The following USH2A variants were observed in gnomAD, a reference collection of about 807,000 sequenced individuals.
USH2A encodes usherin, also known as Usher syndrome 2A (autosomal recessive, mild).
Under a neutral mutation model 538.9 loss-of-function variants are expected in USH2A, and 443 were observed. That is an observed-to-expected ratio of 0.82 (90% confidence interval 0.76 to 0.89). The LOEUF is 0.89. Among genes scored for constraint, USH2A ranks in the 40% least tolerant of loss-of-function variants. The pLI, the probability that USH2A is intolerant of heterozygous loss-of-function variation, is 0.00. For synonymous variants in USH2A, 2,413 were observed against 2,273.5 expected (o/e 1.06, Z -1.75); for missense variants, 6,633 against 6,324.8 (o/e 1.05, Z -1.65).
chr1:216,157,428 G>T (rs948156543), intron 21 of USH2A, among the ~76,000 whole-genome samples: 1 of 152,158 alleles, frequency 6.6e-6, no homozygotes, highest in African/African-American at 2.4e-5. Context: ...ATTTCTCAAA[G>T]AACTTAAAAC....
At chr1:216,115,320 C>CT in intron 21 of USH2A, among the ~76,000 whole-genome samples, 1 of 152,038 alleles carries the variant, frequency 6.6e-6, no homozygotes, top group East Asian at 1.9e-4. Flanking sequence ...TTTTAAAAGA[C>CT]TTTTTTGTAG....
At chr1:216,135,877 T>C (rs1290147904) in intron 21 of USH2A, among the ~76,000 whole-genome samples, 1 of 152,104 alleles carries the variant, frequency 6.6e-6, no homozygotes, top group Non-Finnish European at 1.5e-5. Context: ...TTGATTTGCT[T>C]GGATATTGAA....
At chr1:216,149,880 C>T (rs79371377) in intron 21 of USH2A, among the ~76,000 whole-genome samples, 42,076 of 151,990 alleles carry the variant, frequency 0.28, 6,120 homozygotes, top group African/African-American at 0.31. Context: ...CTGGGTTCAC[C>T]ATTCCAGAAT....
intron 49 of USH2A, among the ~76,000 whole-genome samples, chr1:215,807,051 G>A (rs1001296692): frequency 6.6e-6 from 1 of 152,018 alleles, no homozygotes; most frequent in Non-Finnish European, 1.5e-5. Flanking sequence ...ACTATGTTAT[G>A]TTACATGGCA....
chr1:215,704,735 GC>G (rs952600500), intron 61 of USH2A, among the ~76,000 whole-genome samples: 2 of 152,142 alleles, frequency 1.3e-5, no homozygotes, highest in African/African-American at 4.8e-5. Flanking sequence ...TTCTTAGAAT[GC>G]CCTTCTATGC....
chr1:216,107,665 C>G (rs1447664054), intron 21 of USH2A, among the ~76,000 whole-genome samples: 1 of 146,764 alleles, frequency 6.8e-6, no homozygotes, highest in Admixed American at 6.9e-5. Context: ...TTTGAATTCT[C>G]TCTTTTCTTA....
intron 32 of USH2A, among the ~76,000 whole-genome samples, chr1:216,015,119 A>G (rs1421782896): frequency 3.9e-5 from 6 of 152,174 alleles, no homozygotes; most frequent in Admixed American, 3.3e-4. Context: ...CCTTCCCACA[A>G]ATCATCAATT....
chr1:215,816,870 G>T, intron 48 of USH2A, 127 bp downstream of exon 48: 2 of 1,035,736 alleles, frequency 1.9e-6, no homozygotes, highest in Non-Finnish European at 1.5e-6. Context: ...TTTCTTTTCC[G>T]TGGAGTCTTC....
intron 9 of USH2A, among the ~76,000 whole-genome samples, chr1:216,303,592 C>G (rs1194815479): frequency 2.0e-5 from 3 of 151,048 alleles, no homozygotes; most frequent in Non-Finnish European, 4.4e-5. Context: ...ATTAAAAAAC[C>G]CTTTCTTAAG....
At chr1:215,967,624 G>T (rs1327944779) in intron 36 of USH2A, among the ~76,000 whole-genome samples, 1 of 152,064 alleles carries the variant, frequency 6.6e-6, no homozygotes, top group Non-Finnish European at 1.5e-5. Flanking sequence ...TCCTAAGGGG[G>T]TATAGGGATT....
chr1:216,415,541 G>T lies in USH2A; in HGVS notation c.651+2973C>A, dbSNP rs141598781. On this transcript the variant is annotated intron_variant, in intron 3 of 71. Coordinates refer to ENST00000307340, the MANE Select transcript of USH2A (RefSeq NM_206933.4). The stretch of plus-strand genomic sequence containing the variant: ...TTTTTTTTTTTTTTTTTTCAGACAG[G>T]ATCTTGCTCTTTCGCCCAGGCTGGA... Among the ~76,000 whole-genome samples, 337 of 112,044 alleles carry T rather than the reference G, an allele frequency of 3.0e-3. 1 individual carries two copies. The highest frequency in any genetic ancestry group is 0.011 in the African/African-American group (315 of 27,428). 73.5% of individuals were successfully genotyped at this position (112,044 alleles called of 152,430 possible).
intron 4 of USH2A, among the ~76,000 whole-genome samples, chr1:216,333,002 C>T (rs1456846997): frequency 2.0e-5 from 3 of 152,080 alleles, no homozygotes; most frequent in Non-Finnish European, 1.5e-5. Context: ...ATTGTAAGCT[C>T]ATACATTAAA....
chr1:215,932,064 G>C (rs939424273), intron 38 of USH2A, among the ~76,000 whole-genome samples: 1 of 151,882 alleles, frequency 6.6e-6, no homozygotes, highest in African/African-American at 2.4e-5. Flanking sequence ...TTCTTATTAT[G>C]TTTTAAAAGT....
intron 21 of USH2A, among the ~76,000 whole-genome samples, chr1:216,110,099 A>C (rs2032831354): frequency 6.6e-6 from 1 of 152,182 alleles, no homozygotes; most frequent in Non-Finnish European, 1.5e-5. Context: ...CAAGGTTAAC[A>C]ATTTTTTACT....
intron 13 of USH2A, among the ~76,000 whole-genome samples, chr1:216,240,708 T>C (rs2035921758): frequency 6.6e-6 from 1 of 152,130 alleles, no homozygotes. Context: ...TCTCCTCAAA[T>C]TACTTCCCTC....
chr1:216,071,700 C>T (rs774881750), intron 29 of USH2A, among the ~76,000 whole-genome samples: 32 of 152,172 alleles, frequency 2.1e-4, no homozygotes, highest in Non-Finnish European at 3.8e-4. Flanking sequence ...GCTTTCCAGA[C>T]GCCTATTAAT....
chr1:216,194,177 T>G (rs1300641831), intron 19 of USH2A: 1 of 152,146 alleles, frequency 6.6e-6, no homozygotes, highest in African/African-American at 2.4e-5. Context: ...AATGATATTT[T>G]GGAGCTCCAT....
intron 61 of USH2A, among the ~76,000 whole-genome samples, chr1:215,699,326 T>C (rs1002459730): frequency 6.6e-6 from 1 of 152,332 alleles, no homozygotes; most frequent in East Asian, 1.9e-4. Flanking sequence ...CCATATGAAA[T>C]TTAAAGTAAT....
chr1:216,116,582 T>C (rs1167700131), intron 21 of USH2A, among the ~76,000 whole-genome samples: 1 of 152,134 alleles, frequency 6.6e-6, no homozygotes, highest in Non-Finnish European at 1.5e-5. Flanking sequence ...CGATACTTTA[T>C]GCCAGACTCC....
Sources: gnomAD v4.1 joint callset for allele counts (sites outside exome capture counted in the v4.1 genomes callset) on GRCh38, gnomAD v4.1.1 for gene constraint, MANE v1.5 for transcripts, NCBI Gene and HGNC (gene_info 2026-07-23, HGNC 2026-07-21) for gene names.